The following ACER1 variants were observed in gnomAD, a reference collection of about 807,000 sequenced individuals.
ACER1 encodes alkaline ceramidase 1.
A neutral mutation model predicts 24.9 loss-of-function variants in ACER1; 28 were observed. The observed-to-expected ratio is 1.13, with a 90% confidence interval of 0.83 to 1.54. The LOEUF is 1.54. Among genes scored for constraint, ACER1 ranks in the 40% most tolerant of loss-of-function variants. ACER1 has a pLI of 0.00. For missense variants in ACER1, 352 were observed against 349.3 expected (o/e 1.01, Z -0.06); for synonymous variants, 132 against 131.4 (o/e 1.00, Z -0.03).
chr19:6,321,182 C>A (rs1186441183), intron 1 of ACER1, among the ~76,000 whole-genome samples: 1 of 151,896 alleles, frequency 6.6e-6, no homozygotes, highest in East Asian at 1.9e-4. Flanking sequence ...GTCGCCCAGG[C>A]TGGAGTGCAG....
At chr19:6,322,020 C>T (rs781253844) in intron 1 of ACER1, among the ~76,000 whole-genome samples, 3 of 151,828 alleles carry the variant, frequency 2.0e-5, no homozygotes, top group Non-Finnish European at 4.4e-5. Flanking sequence ...GTCCCAACAA[C>T]TCAAACCCCT....
At chr19:6,309,561 T>A in intron 4 of ACER1, 136 bp downstream of exon 4, 3 of 1,128,712 alleles carry the variant, frequency 2.7e-6, no homozygotes, top group Non-Finnish European at 2.6e-6. Context: ...CTGCAGTCAG[T>A]CAGGTTCAAA....
chr19:6,356,195 C>T, the ACER1 span, among the ~76,000 whole-genome samples: 2 of 150,378 alleles, frequency 1.3e-5, no homozygotes, highest in Non-Finnish European at 2.9e-5. Context: ...CTCTCTGAAA[C>T]ATGTGCTGTG....
intron 1 of ACER1, among the ~76,000 whole-genome samples, chr19:6,319,667 A>G (rs1191779720): frequency 1.3e-5 from 2 of 151,966 alleles, no homozygotes; most frequent in African/African-American, 4.8e-5. Flanking sequence ...TCCTGCTCCT[A>G]CTTCCAGAGG....
chr19:6,339,807 C>T, the ACER1 span, among the ~76,000 whole-genome samples: 4 of 151,874 alleles, frequency 2.6e-5, no homozygotes, highest in South Asian at 8.3e-4. Flanking sequence ...GGACTACAGG[C>T]GCCCGCCACC....
intron 1 of ACER1, among the ~76,000 whole-genome samples, chr19:6,328,347 C>T (rs563764380): frequency 6.6e-6 from 1 of 151,084 alleles, no homozygotes; most frequent in South Asian, 2.1e-4. Flanking sequence ...AAAAATTAGC[C>T]GGGAGTGGTG....
At chr19:6,349,230 G>A in the ACER1 span, among the ~76,000 whole-genome samples, 6 of 151,600 alleles carry the variant, frequency 4.0e-5, no homozygotes, top group Admixed American at 2.0e-4. Flanking sequence ...TAATCCCAGC[G>A]CTTTGAGAAG....
chr19:6,321,693 C>T (rs146078565), intron 1 of ACER1, among the ~76,000 whole-genome samples: 9,958 of 152,052 alleles, frequency 0.065, 365 homozygotes, highest in East Asian at 0.12. Flanking sequence ...CTGCAACCTC[C>T]GCCTTCTGGG....
At chr19:6,333,637 A>C, upstream of ACER1, 1 of 1,203,618 alleles carries the variant, frequency 8.3e-7, no homozygotes, top group Non-Finnish European at 1.2e-6. Flanking sequence ...AGGCGGGGAG[A>C]GGACAGCCCG....
Position 6,312,266 on chromosome 19 carries a change from A to C in ACER1, c.233T>G (p.Met78Arg), listed in dbSNP as rs2091585700. ...IIGLFSMYFH[M>R]TLSFLGQLLD... ...CAGCTGGCCCAGGAAGCTGAGCGTC[A>C]TGTGGAAATACATGGAGAACAGGCC... Residue 78 changes from methionine (M) to arginine (R), a missense_variant, in exon 3 of 6, where the codon ATG becomes AGG. Met to Arg is a moderately conservative substitution (Grantham distance 91, BLOSUM62 -1). Transcript: ENST00000301452. The C allele has an allele frequency of 1.2e-6, 2 of 1,614,022 alleles. No homozygotes were observed. Among genetic ancestry groups the C allele is most frequent in the African/African-American group, 1.3e-5 (1 of 74,920 alleles).
At chr19:6,343,100 G>A in the ACER1 span, among the ~76,000 whole-genome samples, 4 of 152,114 alleles carry the variant, frequency 2.6e-5, no homozygotes, top group South Asian at 2.1e-4. Context: ...TTAACTTGCC[G>A]ATTCCGAGTA....
At chr19:6,349,166 A>AG in the ACER1 span, among the ~76,000 whole-genome samples, 1 of 150,832 alleles carries the variant, frequency 6.6e-6, no homozygotes, top group South Asian at 2.1e-4. Context: ...AGAAGGAAGA[A>AG]GAAGAAGAAG....
the ACER1 span, among the ~76,000 whole-genome samples, chr19:6,340,299 GGA>G: frequency 0.01 from 2 of 192 alleles, no homozygotes; most frequent in Admixed American, 0.11. Flanking sequence ...AAAGAAGGAA[GGA>G]AGGAAGGAAG....
At chr19:6,319,519 A>T (rs1248865456) in intron 1 of ACER1, among the ~76,000 whole-genome samples, 1 of 151,794 alleles carries the variant, frequency 6.6e-6, no homozygotes, top group Non-Finnish European at 1.5e-5. Flanking sequence ...TCGTTCATTC[A>T]TTCATTCATT....
the ACER1 span, among the ~76,000 whole-genome samples, chr19:6,341,331 C>T: frequency 6.7e-6 from 1 of 150,010 alleles, no homozygotes; most frequent in Non-Finnish European, 1.5e-5. Context: ...CAACAAAAAA[C>T]CAGTCTAGGC....
the ACER1 span, among the ~76,000 whole-genome samples, chr19:6,347,218 C>CTTTTTTTTTTTTTT: frequency 7.6e-6 from 1 of 132,208 alleles, no homozygotes. Flanking sequence ...CTTTTCTTTT[C>CTTTTTTTTTTTTTT]TTTTTCTTTT....
upstream of ACER1, among the ~76,000 whole-genome samples, chr19:6,337,661 CTTTTTTTTTTTTTTTTT>C (rs1192304687): frequency 1.2e-4 from 3 of 25,920 alleles, no homozygotes; most frequent in Admixed American, 6.7e-4. Context: ...TTCTTTCTTT[CTTTTTTTTTTTTTTTTT>C]TTTTTTTTTT....
In ACER1 at chr19:6,312,472, C is replaced by G. The variant is rs371291557; in HGVS notation, c.121G>C (p.Gly41Arg). The change falls in exon 2 of 6, where the codon GGG becomes CGG. Residue 41 changes from glycine (G) to arginine (R), a missense_variant. Coordinates refer to ENST00000301452, the MANE Select transcript of ACER1 (RefSeq NM_133492.3). ...TGCATCAGGAGCATCATCAGTGGCC[C>G]GAAGATGAAGAAGGGGATATTGGAG... is the stretch of plus-strand genomic sequence containing the variant. ...TFSNIPFFIF[G>R]PLMMLLMHPY... is the part of the protein sequence containing the mutation. The G allele has an allele frequency of 1.5e-5, 25 of 1,613,540 alleles. No individual in the cohort carries two copies. Among genetic ancestry groups the G allele is most frequent in the South Asian group, 3.3e-5 (3 of 91,044 alleles).
the ACER1 span, among the ~76,000 whole-genome samples, chr19:6,340,340 GA>G: frequency 2.1e-5 from 3 of 142,120 alleles, no homozygotes; most frequent in African/African-American, 5.3e-5. Context: ...AGGAAGGAAG[GA>G]AGGAAGGAAG....
Sources: allele counts gnomAD v4.1 joint callset (sites outside exome capture counted in the v4.1 genomes callset), GRCh38; gene constraint gnomAD v4.1.1; transcripts MANE v1.5; gene names NCBI Gene and HGNC (gene_info 2026-07-23, HGNC 2026-07-21).